Variants in TTC39B observed in about 807,000 individuals in gnomAD.
The protein encoded by TTC39B is tetratricopeptide repeat domain 39B.
TTC39B carries 92 observed loss-of-function variants against 96.6 expected under a neutral mutation model. The observed-to-expected ratio is 0.95, with a 90% CI of 0.80 to 1.13. TTC39B has a LOEUF of 1.13. Among genes scored for constraint, TTC39B ranks in the 50% most tolerant of loss-of-function variants. TTC39B has a pLI of 0.00. For synonymous variants in TTC39B, 367 were observed against 299.4 expected, an observed-to-expected ratio of 1.23 and a Z score of -2.33; for missense variants, 955 against 809.3, an observed-to-expected ratio of 1.18 and a Z score of -2.18.
intron 2 of TTC39B, among the ~76,000 whole-genome samples, chr9:15,266,604 A>G (rs1261775827): frequency 6.6e-6 from 1 of 152,192 alleles, no homozygotes; most frequent in Non-Finnish European, 1.5e-5. Flanking sequence ...AAGTAAATTG[A>G]TAATACTCCT....
chr9:15,223,128 T>C (rs1249827241), intron 3 of TTC39B, among the ~76,000 whole-genome samples: 1 of 152,214 alleles, frequency 6.6e-6, no homozygotes, highest in Non-Finnish European at 1.5e-5. Context: ...GAAATTCTAA[T>C]TCCAAGAATT....
At chr9:15,187,256 G>C (rs1818580887) in intron 14 of TTC39B, among the ~76,000 whole-genome samples, 1 of 152,094 alleles carries the variant, frequency 6.6e-6, no homozygotes, top group African/African-American at 2.4e-5. Context: ...AGCATTCATA[G>C]GTGAGAAAGT....
chr9:15,219,592 T>C (rs1294878540), intron 3 of TTC39B, among the ~76,000 whole-genome samples: 2 of 152,158 alleles, frequency 1.3e-5, no homozygotes, highest in East Asian at 1.9e-4. Flanking sequence ...CCCTGTACCC[T>C]GAGGAAAGGA....
intron 1 of TTC39B, 145 bp from the exon 2 acceptor site, chr9:15,268,093 G>T: frequency 1.6e-6 from 1 of 607,572 alleles, no homozygotes; most frequent in South Asian, 2.6e-5. Flanking sequence ...TCAACTTAAC[G>T]CTTATGGAAT....
chr9:15,250,878 G>A (rs934451846), intron 2 of TTC39B, among the ~76,000 whole-genome samples: 2 of 152,126 alleles, frequency 1.3e-5, no homozygotes, highest in African/African-American at 4.8e-5. Context: ...TTTTAGTATA[G>A]GACTCACTAA....
chr9:15,268,388 G>A (rs1034713979), intron 1 of TTC39B, among the ~76,000 whole-genome samples: 2 of 151,988 alleles, frequency 1.3e-5, no homozygotes, highest in African/African-American at 4.8e-5. Context: ...TCGTCTCCCT[G>A]CCACCAGCCT....
intron 16 of TTC39B, among the ~76,000 whole-genome samples, 196 bp downstream of exon 16, chr9:15,185,084 G>A (rs908846678): frequency 5.9e-5 from 9 of 152,104 alleles, no homozygotes; most frequent in Admixed American, 3.3e-4. Context: ...GTAATGCCTG[G>A]ATCATACTAA....
rs973801440 is a variant in TTC39B at position 15,188,205 on chromosome 9, T to C, written c.1234-73A>G. 8.3e-6 allele frequency: 12 copies of C among 1,452,922 alleles called. No individual in the cohort carries two copies. In the East Asian group the frequency reaches 1.9e-4, roughly 23 times the overall value. 90.0% of individuals were successfully genotyped at this position (1,452,922 alleles called of 1,614,324 possible). ...GATAATAACCTAATGGAAAAATACA[T>C]AAAACACTTAGTACAAAAAGGACAA... On this transcript the variant is annotated intron_variant, in intron 13 of 19. Transcript: ENST00000512701.
intron 1 of TTC39B, among the ~76,000 whole-genome samples, chr9:15,271,533 G>C (rs1429599174): frequency 2.0e-5 from 3 of 152,134 alleles, no homozygotes; most frequent in Non-Finnish European, 4.4e-5. Context: ...TAGATCACTT[G>C]CATGCACATT....
intron 3 of TTC39B, among the ~76,000 whole-genome samples, chr9:15,214,721 T>A (rs2131363554): frequency 6.6e-6 from 1 of 152,346 alleles, no homozygotes; most frequent in Non-Finnish European, 1.5e-5. Flanking sequence ...TGTTATAACA[T>A]CTGCCAAATG....
chr9:15,241,757 T>G (rs1032018867), intron 2 of TTC39B, among the ~76,000 whole-genome samples: 1 of 151,096 alleles, frequency 6.6e-6, no homozygotes, highest in Non-Finnish European at 1.5e-5. Flanking sequence ...TTTTTTTTTT[T>G]TTTGAGACAG....
chr9:15,247,785 TG>T (rs1241935875), intron 2 of TTC39B, among the ~76,000 whole-genome samples: 1 of 151,782 alleles, frequency 6.6e-6, no homozygotes, highest in Non-Finnish European at 1.5e-5. Flanking sequence ...TGCATTTTCC[TG>T]TTTCATAATA....
chr9:15,234,453 G>C (rs866397137), intron 2 of TTC39B, among the ~76,000 whole-genome samples: 13 of 151,736 alleles, frequency 8.6e-5, no homozygotes, highest in Middle Eastern at 3.2e-3. Flanking sequence ...TGGGAGGTGA[G>C]GGGCGCCTCT....
chr9:15,202,951 T>C (rs909398145), intron 7 of TTC39B, among the ~76,000 whole-genome samples: 1 of 152,026 alleles, frequency 6.6e-6, no homozygotes, highest in African/African-American at 2.4e-5. Context: ...GAAATTAAAA[T>C]GGATCATAAG....
chr9:15,218,569 C>T (rs953357050), intron 3 of TTC39B, among the ~76,000 whole-genome samples: 4 of 148,462 alleles, frequency 2.7e-5, no homozygotes, highest in Non-Finnish European at 6.0e-5. Flanking sequence ...GAGGTGACGA[C>T]TCCTCATGTT....
At chr9:15,283,937 A>G (rs1466565225) in intron 1 of TTC39B, among the ~76,000 whole-genome samples, 1 of 152,146 alleles carries the variant, frequency 6.6e-6, no homozygotes, top group African/African-American at 2.4e-5. Flanking sequence ...TAAGCAAAAC[A>G]CAAAGACCAG....
intron 2 of TTC39B, among the ~76,000 whole-genome samples, chr9:15,243,271 A>G (rs753381076): frequency 1.3e-5 from 2 of 152,206 alleles, no homozygotes; most frequent in Non-Finnish European, 2.9e-5. Context: ...AACCTGAGTC[A>G]CTCCAAAACA....
chr9:15,171,974 G>A (rs781657670), exon 20 of TTC39B: 9 of 1,424,730 alleles, frequency 6.3e-6, no homozygotes, highest in Non-Finnish European at 8.9e-6. Context: ...ATCTATAGCA[G>A]ATGCCGATGC....
At chr9:15,167,795 T>C (rs938271315) in exon 20 of TTC39B, 2 of 152,310 alleles carry the variant, frequency 1.3e-5, no homozygotes, top group South Asian at 2.1e-4. Flanking sequence ...TTCTCAAAGA[T>C]GTGAATCACT....
Sources: allele counts gnomAD v4.1 joint callset (sites outside exome capture counted in the v4.1 genomes callset), GRCh38; gene constraint gnomAD v4.1.1; transcripts MANE v1.5; gene names NCBI Gene and HGNC (gene_info 2026-07-23, HGNC 2026-07-21).